Variants in IL1RAPL2 observed in about 807,000 individuals in gnomAD.
The protein encoded by IL1RAPL2 is X-linked interleukin-1 receptor accessory protein-like 2.
In IL1RAPL2, 3 loss-of-function variants were observed where a neutral mutation model predicts 44.1. The ratio of observed to expected loss-of-function variants is 0.07; its 90% confidence interval spans 0.03 to 0.18. The LOEUF (loss-of-function observed/expected upper bound fraction) is 0.18. Ranked by LOEUF, IL1RAPL2 falls within the 10% of genes least tolerant of loss-of-function variation. The probability of loss-of-function intolerance (pLI) is 1.00; values close to 1 mark genes in which losing one functional copy is unlikely to be tolerated. For missense variants in IL1RAPL2, 391 were observed against 496.4 expected (o/e 0.79, Z 2.02); for synonymous variants, 181 against 178.8 (o/e 1.01, Z -0.10).
intron 2 of IL1RAPL2, among the ~76,000 whole-genome samples, chrX:104,679,666 T>C (rs1285060606): frequency 8.9e-6 from 1 of 111,987 alleles, no homozygotes; most frequent in Admixed American, 9.5e-5. Flanking sequence ...TCTACCACTT[T>C]GGATTTGGTG....
At chrX:104,642,657 T>C (rs1929956205) in intron 1 of IL1RAPL2, among the ~76,000 whole-genome samples, 1 of 110,872 alleles carries the variant, frequency 9.0e-6, no homozygotes, top group African/African-American at 3.3e-5. Context: ...GCTAATTTTT[T>C]GTATTTTTTA....
At chrX:105,371,386 A>AATGTAAAGATTGATTTT (rs2035339345) in intron 5 of IL1RAPL2, among the ~76,000 whole-genome samples, 1 of 111,388 alleles carries the variant, frequency 9.0e-6, no homozygotes, top group African/African-American at 3.3e-5. Flanking sequence ...TAAATCTTTA[A>AATGTAAAGATTGATTTT]TCCATCTCGA....
intron 5 of IL1RAPL2, among the ~76,000 whole-genome samples, chrX:105,463,468 A>G (rs1287169179): frequency 9.1e-6 from 1 of 110,446 alleles, no homozygotes; most frequent in Non-Finnish European, 1.9e-5. Flanking sequence ...GATTTAGGCA[A>G]AGTCTCTTTA....
rs186064737 is a variant in IL1RAPL2, at chrX:105,732,555, C to T, written c.903-7991C>T. Among the ~76,000 whole-genome samples the T allele has an allele frequency of 2.1e-3, 238 of 111,241 alleles. 3 individuals are homozygous for T. The highest frequency in any genetic ancestry group is 7.5e-3 in the African/African-American group (231 of 30,641). Reference sequence around the variant, plus strand: ...GAGTAAAAGCTGCCTGAGGGCTCCCCAGAAGCAGATGCTTCTGTACAGCCT... The same window carrying T: ...GAGTAAAAGCTGCCTGAGGGCTCCCTAGAAGCAGATGCTTCTGTACAGCCT... On this transcript the variant is annotated intron_variant, in intron 7 of 10. Coordinates refer to ENST00000372582, the MANE Select transcript of IL1RAPL2 (RefSeq NM_017416.2).
At chrX:105,071,528 T>G (rs1161760726) in intron 2 of IL1RAPL2, among the ~76,000 whole-genome samples, 2 of 110,904 alleles carry the variant, frequency 1.8e-5, no homozygotes, top group African/African-American at 3.3e-5. Context: ...ATCCTAAAAT[T>G]CATATGAAAT....
intron 6 of IL1RAPL2, among the ~76,000 whole-genome samples, chrX:105,553,190 G>GA (rs1399356081): frequency 9.0e-6 from 1 of 111,729 alleles, no homozygotes; most frequent in Non-Finnish European, 1.9e-5. Flanking sequence ...TGTAAAGATA[G>GA]AAAAAATAGA....
At chrX:104,946,093 G>T (rs1925339300) in intron 2 of IL1RAPL2, among the ~76,000 whole-genome samples, 1 of 108,970 alleles carries the variant, frequency 9.2e-6, no homozygotes, top group African/African-American at 3.3e-5. Flanking sequence ...TCTTCACAAC[G>T]ATTTTTTTTA....
At chrX:104,800,363 T>C (rs1176237371) in intron 2 of IL1RAPL2, among the ~76,000 whole-genome samples, 1 of 110,721 alleles carries the variant, frequency 9.0e-6, no homozygotes, top group Non-Finnish European at 1.9e-5. Context: ...ATGCCAGGTA[T>C]TTAAAAAAAA....
At chrX:104,983,108 A>G (rs1415293438) in intron 2 of IL1RAPL2, among the ~76,000 whole-genome samples, 1 of 110,128 alleles carries the variant, frequency 9.1e-6, no homozygotes, top group African/African-American at 3.3e-5. Flanking sequence ...ACATATACAT[A>G]GTCGAGAAAC....
intron 2 of IL1RAPL2, among the ~76,000 whole-genome samples, chrX:104,678,235 A>G (rs1054544147): frequency 8.9e-6 from 1 of 112,664 alleles, no homozygotes; most frequent in East Asian, 2.8e-4. Context: ...CCTGCAATCT[A>G]GACCGTGGGA....
chrX:104,630,150 AT>A (rs3056013), intron 1 of IL1RAPL2, among the ~76,000 whole-genome samples: 27 of 88,482 alleles, frequency 3.1e-4, no homozygotes, highest in Non-Finnish European at 2.6e-4. Flanking sequence ...CACCTGGATA[AT>A]TTTTTTTTTT....
intron 2 of IL1RAPL2, among the ~76,000 whole-genome samples, chrX:105,079,603 A>G (rs1016502435): frequency 9.2e-6 from 1 of 108,238 alleles, no homozygotes; most frequent in Non-Finnish European, 1.9e-5. Context: ...TCTATCACTG[A>G]TGGGCATTTG....
intron 2 of IL1RAPL2, among the ~76,000 whole-genome samples, chrX:104,885,457 C>A (rs1285438927): frequency 9.0e-6 from 1 of 111,129 alleles, no homozygotes; most frequent in East Asian, 2.8e-4. Context: ...CTATGGGAGG[C>A]CTTAAGAAAA....
At chrX:105,524,045 C>A (rs1027481951) in intron 6 of IL1RAPL2, among the ~76,000 whole-genome samples, 4 of 111,682 alleles carry the variant, frequency 3.6e-5, no homozygotes, top group African/African-American at 9.7e-5. Context: ...AGATTTGTAT[C>A]TTGCTTATCA....
chrX:105,402,507 T>G (rs1370911295), intron 5 of IL1RAPL2, among the ~76,000 whole-genome samples: 2 of 111,786 alleles, frequency 1.8e-5, no homozygotes, highest in African/African-American at 6.5e-5. Flanking sequence ...ATATCTTTTA[T>G]GTCTCCATCA....
At chrX:105,664,646 A>G (rs2037744457) in intron 6 of IL1RAPL2, among the ~76,000 whole-genome samples, 1 of 111,850 alleles carries the variant, frequency 8.9e-6, no homozygotes, top group Non-Finnish European at 1.9e-5. Context: ...CACAGGCATC[A>G]TAGTGGTCTA....
intron 2 of IL1RAPL2, among the ~76,000 whole-genome samples, chrX:104,728,130 C>A (rs1344199804): frequency 4.5e-5 from 5 of 110,821 alleles, no homozygotes; most frequent in Non-Finnish European, 9.5e-5. Context: ...AGAATGAGAC[C>A]AAAAGAGAAA....
intron 2 of IL1RAPL2, among the ~76,000 whole-genome samples, chrX:105,186,679 G>A (rs1418212541): frequency 1.8e-5 from 2 of 111,500 alleles, no homozygotes; most frequent in Non-Finnish European, 3.8e-5. Flanking sequence ...AAATTATTTT[G>A]TTATTCCTGT....
chrX:105,040,757 T>G (rs1304682393), intron 2 of IL1RAPL2, among the ~76,000 whole-genome samples: 1 of 110,268 alleles, frequency 9.1e-6, no homozygotes, highest in Non-Finnish European at 1.9e-5. Flanking sequence ...TTGTGTCTAT[T>G]TGATTCTTCT....
Sources: gnomAD v4.1 joint callset for allele counts (sites outside exome capture counted in the v4.1 genomes callset) on GRCh38, gnomAD v4.1.1 for gene constraint, MANE v1.5 for transcripts, NCBI Gene and HGNC (gene_info 2026-07-23, HGNC 2026-07-21) for gene names.